Variants in ANKIB1 observed in about 807,000 individuals in gnomAD.
ANKIB1 encodes ankyrin repeat and IBR domain containing 1.
A neutral mutation model predicts 122.1 loss-of-function variants in ANKIB1; 43 were observed. That is an observed-to-expected ratio of 0.35 (90% confidence interval 0.28 to 0.45). The LOEUF (loss-of-function observed/expected upper bound fraction) is 0.45, where lower values mean the gene tolerates loss of function less well. Ranked by LOEUF, ANKIB1 falls within the 20% of genes least tolerant of loss-of-function variation. ANKIB1 has a pLI of 1.00. For missense variants in ANKIB1, 992 were observed against 1,329.5 expected (o/e 0.75, Z 3.95); for synonymous variants, 390 against 442.0 (o/e 0.88, Z 1.48).
intron 2 of ANKIB1, among the ~76,000 whole-genome samples, chr7:92,305,881 G>A (rs974278000): frequency 6.6e-6 from 1 of 152,164 alleles, no homozygotes; most frequent in African/African-American, 2.4e-5. Flanking sequence ...CGTGAGATAT[G>A]TATTTACATT....
At chr7:92,276,833 C>T (rs1168165474) in intron 1 of ANKIB1, among the ~76,000 whole-genome samples, 4 of 152,172 alleles carry the variant, frequency 2.6e-5, no homozygotes, top group Non-Finnish European at 5.9e-5. Flanking sequence ...CCAGAGGACA[C>T]TCATAGTACC....
intron 14 of ANKIB1, among the ~76,000 whole-genome samples, chr7:92,388,945 A>C (rs957935533): frequency 6.6e-6 from 1 of 152,162 alleles, no homozygotes; most frequent in African/African-American, 2.4e-5. Context: ...AGTATTGTCC[A>C]CAGTATAAAT....
chr7:92,247,743 G>A (rs936447584), intron 1 of ANKIB1, among the ~76,000 whole-genome samples: 2 of 152,174 alleles, frequency 1.3e-5, no homozygotes, highest in African/African-American at 4.8e-5. Flanking sequence ...GGAAGCAAAC[G>A]ATAATTTAAG....
intron 8 of ANKIB1, 114 bp downstream of exon 8, chr7:92,351,208 T>C: frequency 1.1e-6 from 1 of 891,094 alleles, no homozygotes; most frequent in Non-Finnish European, 1.5e-6. Flanking sequence ...ATGGCTCTTT[T>C]GTTAGAAACA....
At chr7:92,379,391 A>C (rs1373594743) in intron 11 of ANKIB1, among the ~76,000 whole-genome samples, 1 of 151,894 alleles carries the variant, frequency 6.6e-6, no homozygotes, top group East Asian at 1.9e-4. Flanking sequence ...GACTCCATCT[A>C]AAAAAAACTA....
intron 2 of ANKIB1, among the ~76,000 whole-genome samples, chr7:92,301,948 T>C (rs968208858): frequency 1.3e-5 from 2 of 152,078 alleles, no homozygotes; most frequent in Non-Finnish European, 2.9e-5. Flanking sequence ...TTTTTCTTTT[T>C]TTTTTTGAGA....
At position 92,356,568 on chromosome 7, in the gene ANKIB1, A is replaced by C. The variant is rs150392552; in HGVS notation, c.1397+3926A>C. On this transcript the variant is annotated intron_variant, in intron 9 of 19. Coordinates refer to ENST00000265742, the MANE Select transcript of ANKIB1 (RefSeq NM_019004.2). ...GGTTCAATTTATCAAATTTCAACAC[A>C]GTACAGAGTTATAATAATCTGGGAG... Among the ~76,000 whole-genome samples, 530 of 152,370 alleles carry C rather than the reference A, an allele frequency of 3.5e-3. 4 individuals carry two copies. The highest frequency in any genetic ancestry group is 0.012 in the African/African-American group (500 of 41,588).
chr7:92,372,005 G>A (rs976863609), intron 11 of ANKIB1, among the ~76,000 whole-genome samples: 19 of 112,990 alleles, frequency 1.7e-4, no homozygotes, highest in African/African-American at 6.3e-4. Context: ...GTGTGTGTGT[G>A]TGTGTGTATC....
intron 3 of ANKIB1, among the ~76,000 whole-genome samples, chr7:92,317,949 A>G (rs1192633052): frequency 6.6e-6 from 1 of 152,224 alleles, no homozygotes; most frequent in Non-Finnish European, 1.5e-5. Context: ...AATGCATTTC[A>G]CTTCGATTTA....
chr7:92,373,331 C>CA (rs1041196026), intron 11 of ANKIB1, among the ~76,000 whole-genome samples: 20 of 152,096 alleles, frequency 1.3e-4, no homozygotes, highest in Non-Finnish European at 2.5e-4. Context: ...GCTGCTGAGA[C>CA]AGACTCCAAT....
chr7:92,250,327 A>G (rs1801300700), intron 1 of ANKIB1, among the ~76,000 whole-genome samples: 2 of 152,230 alleles, frequency 1.3e-5, no homozygotes, highest in African/African-American at 4.8e-5. Flanking sequence ...CAGGAGGCAG[A>G]GGTTGCAGTG....
intron 10 of ANKIB1, among the ~76,000 whole-genome samples, chr7:92,369,962 G>C (rs902870044): frequency 2.0e-5 from 3 of 152,294 alleles, no homozygotes; most frequent in African/African-American, 7.2e-5. Context: ...CATTCCTTAA[G>C]ATTGCAGATC....
At chr7:92,272,050 A>G (rs1801807631) in intron 1 of ANKIB1, among the ~76,000 whole-genome samples, 1 of 152,330 alleles carries the variant, frequency 6.6e-6, no homozygotes, top group Admixed American at 6.5e-5. Flanking sequence ...CTTAATGGGT[A>G]TGGACTTTGA....
At chr7:92,330,841 C>CAAAACA (rs1253220717) in intron 5 of ANKIB1, among the ~76,000 whole-genome samples, 8 of 151,342 alleles carry the variant, frequency 5.3e-5, no homozygotes, top group African/African-American at 9.7e-5. Context: ...GACTCTGTCT[C>CAAAACA]AAAACAAAAA....
chr7:92,383,793 G>A (rs1003050923), intron 11 of ANKIB1, among the ~76,000 whole-genome samples: 5 of 152,120 alleles, frequency 3.3e-5, no homozygotes, highest in African/African-American at 1.2e-4. Context: ...GATACTGAAC[G>A]GGCAAAAACT....
chr7:92,280,068 T>G (rs1371273102), intron 1 of ANKIB1, among the ~76,000 whole-genome samples: 3 of 152,218 alleles, frequency 2.0e-5, no homozygotes, highest in Non-Finnish European at 4.4e-5. Context: ...TATGGAGACT[T>G]ATTCTGTTTC....
intron 2 of ANKIB1, among the ~76,000 whole-genome samples, chr7:92,305,798 T>C (rs529850364): frequency 2.6e-5 from 4 of 152,248 alleles, no homozygotes; most frequent in African/African-American, 9.6e-5. Flanking sequence ...ACTTGGAACC[T>C]GGACAAAAAA....
chr7:92,329,920 T>C (rs1803127511), intron 5 of ANKIB1, among the ~76,000 whole-genome samples: 1 of 152,214 alleles, frequency 6.6e-6, no homozygotes, highest in African/African-American at 2.4e-5. Context: ...TTTCTCATAC[T>C]GCCACTATTG....
chr7:92,386,714 T>G, intron 12 of ANKIB1, 71 bp downstream of exon 12: 4 of 1,318,766 alleles, frequency 3.0e-6, no homozygotes, highest in Non-Finnish European at 9.9e-7. Flanking sequence ...TTTGTATTTC[T>G]TTTTCTATTT....
Sources: allele counts gnomAD v4.1 joint callset (sites outside exome capture counted in the v4.1 genomes callset), GRCh38; gene constraint gnomAD v4.1.1; transcripts MANE v1.5; gene names NCBI Gene and HGNC (gene_info 2026-07-23, HGNC 2026-07-21).